The following PHACTR2 variants were observed in gnomAD, a reference collection of about 807,000 sequenced individuals.
PHACTR2 encodes chromosome 6 open reading frame 56.
A neutral mutation model predicts 76.0 loss-of-function variants in PHACTR2; 30 were observed. The ratio of observed to expected loss-of-function variants is 0.39; its 90% CI spans 0.30 to 0.54. The LOEUF is 0.54. Among genes scored for constraint, PHACTR2 ranks in the 20% least tolerant of loss-of-function variants. The pLI, the probability that PHACTR2 is intolerant of heterozygous loss-of-function variation, is 0.61. For missense variants in PHACTR2, 696 were observed against 781.1 expected, an observed-to-expected ratio of 0.89 and a Z score of 1.30; for synonymous variants, 292 against 292.5, an observed-to-expected ratio of 1.00 and a Z score of 0.02.
chr6:143,565,732 A>T, intron 1 of PHACTR2, among the ~76,000 whole-genome samples: 1 of 151,916 alleles, frequency 6.6e-6, no homozygotes, highest in East Asian at 1.9e-4. Context: ...CCAGTGGATG[A>T]TGGGGGAAGA....
rs1775401611 is a variant in PHACTR2, at chr6:143,780,500, G to T, written c.1646-2719G>T. On this transcript the variant is annotated intron_variant, in intron 9 of 12. Coordinates refer to ENST00000440869, the MANE Select transcript of PHACTR2 (RefSeq NM_001100164.2). The surrounding 1 kb of genome is among the most constrained non-coding windows in gnomAD (Gnocchi z 4.4). ...CATGGAAACATGTAAAAAGCAGAAAGAAAAACAAATCCACAAAAAAATTTG... is the reference window on the plus strand; with the variant it reads ...CATGGAAACATGTAAAAAGCAGAAATAAAAACAAATCCACAAAAAAATTTG... 6.6e-6 allele frequency among the ~76,000 whole-genome samples: 1 copy of T among 152,102 alleles called. No homozygotes were observed. The highest frequency in any genetic ancestry group is 2.1e-4 in the South Asian group (1 of 4,828).
rs1778110174 is a variant in PHACTR2, at chr6:143,708,965, A to G, written c.47-3051A>G. ...ATTTGAGATGGAAACTTTTGTTTCT[A>G]TGTTCATAATAATTAGCCCTTTTAT... On this transcript the variant is annotated intron_variant, in intron 1 of 12. Coordinates refer to ENST00000440869, the MANE Select transcript of PHACTR2 (RefSeq NM_001100164.2). This position sits in a 1 kb window ranked among gnomAD's most constrained non-coding sequence, Gnocchi z 5.5. 6.6e-6 allele frequency among the ~76,000 whole-genome samples: 1 copy of G among 152,182 alleles called. No homozygotes were observed. The highest frequency in any genetic ancestry group is 6.5e-5 in the Admixed American group (1 of 15,274).
rs1217107683 is a variant in PHACTR2, at chr6:143,546,948, G to T, written c.217+9741G>T. ...GCTACTCAGGAGGCTGAAGTGGAAA[G>T]ATTGCTTGAATCCAGCAGTTCGATG... is the stretch of plus-strand genomic sequence containing the variant. On this transcript the variant is annotated intron_variant, in intron 1 of 11. Transcript: ENST00000367584. The surrounding 1 kb of genome is among the most constrained non-coding windows in gnomAD (Gnocchi z 4.9). Among the ~76,000 whole-genome samples, 1 of 151,952 alleles carries T rather than the reference G, an allele frequency of 6.6e-6. No homozygotes were observed. Among genetic ancestry groups the T allele is most frequent in the East Asian group, 1.9e-4 (1 of 5,190 alleles).
At position 143,570,288 on chromosome 6, in the gene PHACTR2, A is replaced by G. The variant is rs556994621; in HGVS notation, c.217+33081A>G. Among the ~76,000 whole-genome samples, 1 of 152,274 alleles carries G rather than the reference A, an allele frequency of 6.6e-6. No homozygotes were observed. The highest frequency in any genetic ancestry group is 2.1e-4 in the South Asian group (1 of 4,824). The stretch of plus-strand genomic sequence containing the variant: ...TTGCTGTTGGTCTGAGTCACAGGTG[A>G]AGCCCCATTTGTTTTTCCATTCAGC... On this transcript the variant is annotated intron_variant, in intron 1 of 11. Transcript: ENST00000367584. This position sits in a 1 kb window ranked among gnomAD's most constrained non-coding sequence, Gnocchi z 4.6.
intron 2 of PHACTR2, among the ~76,000 whole-genome samples, chr6:143,717,104 G>A (rs748521763): frequency 5.3e-5 from 8 of 152,180 alleles, no homozygotes; most frequent in Non-Finnish European, 1.2e-4. Context: ...TTTTCTATTC[G>A]TCCATAGCTC....
chr6:143,774,087 G>A lies in PHACTR2; in HGVS notation c.1461G>A (p.Arg487=). 1 of 1,613,642 alleles carries A rather than the reference G, an allele frequency of 6.2e-7. No individual in the cohort carries two copies. The highest frequency in any genetic ancestry group is 8.5e-7 in the Non-Finnish European group (1 of 1,179,780). Residue 487 remains arginine (R), a synonymous_variant, in exon 8 of 13, where the codon AGG becomes AGA. Coordinates refer to ENST00000440869, the MANE Select transcript of PHACTR2 (RefSeq NM_001100164.2). This position sits in a 1 kb window ranked among gnomAD's most constrained non-coding sequence, Gnocchi z 5.4. Reference sequence around the variant, plus strand: ...CTTTGGCAAGTAAAATACGCCGGAGGGATACTCTTGCTATCAAACTTGGCA... The same window carrying A: ...CTTTGGCAAGTAAAATACGCCGGAGAGATACTCTTGCTATCAAACTTGGCA... ...ESALASKIRR[R]DTLAIKLGNR...
chr6:143,679,750 C>G lies in PHACTR2; in HGVS notation c.46+1541C>G, dbSNP rs1180453032. On this transcript the variant is annotated intron_variant, in intron 1 of 12. Coordinates refer to ENST00000440869, the MANE Select transcript of PHACTR2 (RefSeq NM_001100164.2). The surrounding 1 kb of genome is among the most constrained non-coding windows in gnomAD (Gnocchi z 4.6). ...CAAATAAAATCCTAAAGTGAGACTC[C>G]CTACGTCTTAGTACAGCAAAAAAAC... Among the ~76,000 whole-genome samples the G allele has an allele frequency of 6.7e-6, 1 of 148,930 alleles. No individual in the cohort carries two copies. The highest frequency in any genetic ancestry group is 2.5e-5 in the African/African-American group (1 of 40,448).
In PHACTR2 at chr6:143,697,667, A is replaced by G. The variant is rs932317855; in HGVS notation, c.47-14349A>G. Among the ~76,000 whole-genome samples, 1 of 152,200 alleles carries G rather than the reference A, an allele frequency of 6.6e-6. No individual in the cohort carries two copies. The highest frequency in any genetic ancestry group is 2.4e-5 in the African/African-American group (1 of 41,442). ...TTAGTGTTTGTTATATTATCTTTCA[A>G]AATATTTGGAATTCTACAGGAAGGC... is the stretch of plus-strand genomic sequence containing the variant. On this transcript the variant is annotated intron_variant, in intron 1 of 12. Coordinates refer to ENST00000440869, the MANE Select transcript of PHACTR2 (RefSeq NM_001100164.2). The surrounding 1 kb of genome is among the most constrained non-coding windows in gnomAD (Gnocchi z 4.4).
rs889687818 is a variant in PHACTR2, at chr6:143,698,419, A to C, written c.47-13597A>C. 3.3e-5 allele frequency among the ~76,000 whole-genome samples: 5 copies of C among 152,268 alleles called. No individual in the cohort carries two copies. The highest frequency in any genetic ancestry group is 1.2e-4 in the African/African-American group (5 of 41,476). ...TGTTTCTCTCAAGAGAATTAGGTGT[A>C]CAAACCAAGGAATGTTAATCTTTTG... is the stretch of plus-strand genomic sequence containing the variant. On this transcript the variant is annotated intron_variant, in intron 1 of 12. Transcript: ENST00000440869. This position sits in a 1 kb window ranked among gnomAD's most constrained non-coding sequence, Gnocchi z 4.3.
chr6:143,724,289 G>T (rs1052952470), intron 2 of PHACTR2, among the ~76,000 whole-genome samples: 4 of 151,940 alleles, frequency 2.6e-5, no homozygotes, highest in African/African-American at 9.7e-5. Context: ...CCGCCACCAC[G>T]CCTGGCTAAT....
At position 143,819,656 on chromosome 6, in the gene PHACTR2, AG is replaced by A. The variant is rs1280921054; in HGVS notation, c.1923-4016del. Among the ~76,000 whole-genome samples, 6 of 152,110 alleles carry A rather than the reference AG, an allele frequency of 3.9e-5. No homozygotes were observed. The highest frequency in any genetic ancestry group is 3.9e-4 in the Admixed American group (6 of 15,272). ...TGGAGTTGTTGTTCAAGGACAAGAGAGGAAGAGCATGTATCCCAGCTCCAGT... is the reference window on the plus strand; with the variant it reads ...TGGAGTTGTTGTTCAAGGACAAGAGAGAAGAGCATGTATCCCAGCTCCAGT... On this transcript the variant is annotated intron_variant, in intron 12 of 12. Coordinates refer to ENST00000440869, the MANE Select transcript of PHACTR2 (RefSeq NM_001100164.2). This position sits in a 1 kb window ranked among gnomAD's most constrained non-coding sequence, Gnocchi z 5.0.
In PHACTR2 at chr6:143,678,284, G is replaced by T. The variant is rs7750786; in HGVS notation, c.46+75G>T. 3.4e-3 allele frequency: 4,593 copies of T among 1,343,798 alleles called. 132 individuals carry two copies. In the African/African-American group the frequency reaches 0.061, roughly 18 times the overall value. The allele number at this position is 1,343,798 out of a possible 1,614,324, so 83.2% of individuals were successfully genotyped here. ...GGCGGCGGGGCCCCGGGGCAGGCAG[G>T]GTTAGTCGTCTGGTCGGGTTCCGCT... On this transcript the variant is annotated intron_variant, in intron 1 of 12. Coordinates refer to ENST00000440869, the MANE Select transcript of PHACTR2 (RefSeq NM_001100164.2). The surrounding 1 kb of genome is among the most constrained non-coding windows in gnomAD (Gnocchi z 6.2).
At chr6:143,810,519 A>C (rs1254349397) in intron 12 of PHACTR2, 6 of 451,050 alleles carry the variant, frequency 1.3e-5, no homozygotes, top group Non-Finnish European at 2.7e-5. Flanking sequence ...TTTCTATTAG[A>C]TTGGGCATCT....
intron 2 of PHACTR2, among the ~76,000 whole-genome samples, chr6:143,744,428 AATG>A (rs1199514875): frequency 2.0e-5 from 3 of 152,224 alleles, no homozygotes; most frequent in African/African-American, 7.2e-5. Context: ...TTTGGTTCTC[AATG>A]AGATTATACT....
chr6:143,804,346 T>A (rs1237104351), intron 11 of PHACTR2, among the ~76,000 whole-genome samples: 1 of 152,178 alleles, frequency 6.6e-6, no homozygotes, highest in Non-Finnish European at 1.5e-5. Context: ...TTTTTTTACA[T>A]GGCAGCTGGC....
At chr6:143,704,737 G>A (rs1226335932) in intron 1 of PHACTR2, among the ~76,000 whole-genome samples, 1 of 152,118 alleles carries the variant, frequency 6.6e-6, no homozygotes, top group African/African-American at 2.4e-5. Context: ...CATTCAGGAT[G>A]CCATGTTACA....
At chr6:143,741,180 C>T (rs1266840187) in intron 2 of PHACTR2, among the ~76,000 whole-genome samples, 1 of 148,038 alleles carries the variant, frequency 6.8e-6, no homozygotes, top group African/African-American at 2.5e-5. Flanking sequence ...AGTTCAAGAC[C>T]AGCCTGGCCA....
At chr6:143,799,691 C>T (rs149126063) in intron 11 of PHACTR2, among the ~76,000 whole-genome samples, 4 of 152,244 alleles carry the variant, frequency 2.6e-5, no homozygotes, top group East Asian at 1.9e-4. Flanking sequence ...CGTAGCTGTG[C>T]GGTTTTGAGT....
At chr6:143,572,639 A>G (rs1220641262) in intron 1 of PHACTR2, among the ~76,000 whole-genome samples, 2 of 151,696 alleles carry the variant, frequency 1.3e-5, no homozygotes, top group East Asian at 1.9e-4. Context: ...TGCAACCTCC[A>G]CCTCCCGGGC....
Sources: allele counts gnomAD v4.1 joint callset (sites outside exome capture counted in the v4.1 genomes callset), GRCh38; gene constraint gnomAD v4.1.1; non-coding constraint Gnocchi (gnomAD v3.1); transcripts MANE v1.5; gene names NCBI Gene and HGNC (gene_info 2026-07-23, HGNC 2026-07-21).